The following ABHD2 variants were observed in gnomAD, a reference collection of about 807,000 sequenced individuals.
ABHD2 encodes the protein abhydrolase domain containing 2, acylglycerol lipase, also known as monoacylglycerol lipase ABHD2.
In ABHD2, 20 loss-of-function variants were observed where a neutral mutation model predicts 48.1. The observed-to-expected ratio is 0.42, with a 90% CI of 0.29 to 0.60. ABHD2 has a LOEUF of 0.60. ABHD2 is among the 20% of genes least tolerant of loss of function. The pLI is 0.24. For synonymous variants in ABHD2, 209 were observed against 214.2 expected (o/e 0.98, Z 0.21); for missense variants, 405 against 550.9 (o/e 0.74, Z 2.65).
intron 1 of ABHD2, among the ~76,000 whole-genome samples, chr15:89,109,020 C>G (rs942794551): frequency 6.6e-6 from 1 of 152,204 alleles, no homozygotes; most frequent in Non-Finnish European, 1.5e-5. Flanking sequence ...GATTAAGTGC[C>G]TTGATTCAAG....
chr15:89,142,781 C>T (rs927743106), intron 3 of ABHD2, among the ~76,000 whole-genome samples: 2 of 152,104 alleles, frequency 1.3e-5, no homozygotes, highest in African/African-American at 2.4e-5. Flanking sequence ...TTATTGGTCT[C>T]AAGTCTCTTG....
upstream of ABHD2, chr15:89,087,888 G>T (rs1191460176): frequency 6.6e-6 from 1 of 152,112 alleles, no homozygotes; most frequent in Non-Finnish European, 1.5e-5. This position sits in a 1 kb window ranked among gnomAD's most constrained non-coding sequence, Gnocchi z 5.5. Flanking sequence ...CTTCGGGTTC[G>T]GTGACTCACG....
intron 1 of ABHD2, among the ~76,000 whole-genome samples, chr15:89,110,576 G>T (rs2049858619): frequency 2.6e-5 from 4 of 151,982 alleles, no homozygotes; most frequent in African/African-American, 9.7e-5. Context: ...GTTAAAATGA[G>T]AATTTACTTA....
rs751442789 is a variant in ABHD2 at position 89,114,419 on chromosome 15, C to T, written c.-7+595C>T. Among the ~76,000 whole-genome samples the T allele has an allele frequency of 8.5e-5, 13 of 152,188 alleles. No homozygotes were observed. The highest frequency in any genetic ancestry group is 1.8e-4 in the Non-Finnish European group (12 of 68,032). ...GTTTTAGGGGTTTATAGACAGCTTT[C>T]AGGGGATATGACCCCAGGAGTGAGG... On this transcript the variant is annotated intron_variant, in intron 2 of 10. Coordinates refer to ENST00000352732, the MANE Select transcript of ABHD2 (RefSeq NM_152924.5). The surrounding 1 kb of genome is among the most constrained non-coding windows in gnomAD (Gnocchi z 4.2).
chr15:89,060,855 A>G, the ABHD2 span, among the ~76,000 whole-genome samples: 1 of 152,196 alleles, frequency 6.6e-6, no homozygotes, highest in South Asian at 2.1e-4. Context: ...TTTCATTTGA[A>G]ATCAAGACTG....
chr15:89,059,424 T>C, the ABHD2 span, among the ~76,000 whole-genome samples: 1 of 152,150 alleles, frequency 6.6e-6, no homozygotes, highest in African/African-American at 2.4e-5. Flanking sequence ...CCTGTTCCAA[T>C]TTTCTGACCC....
the ABHD2 span, among the ~76,000 whole-genome samples, chr15:89,059,791 T>C: frequency 6.6e-6 from 1 of 152,098 alleles, no homozygotes; most frequent in Non-Finnish European, 1.5e-5. Flanking sequence ...CAATGGGAAA[T>C]GGGAAACTTG....
the ABHD2 span, among the ~76,000 whole-genome samples, chr15:89,072,297 G>A: frequency 2.6e-5 from 4 of 152,042 alleles, no homozygotes; most frequent in South Asian, 4.1e-4. Flanking sequence ...CCAACATGGC[G>A]AAACCCTGTC....
At chr15:89,046,554 G>C in the ABHD2 span, among the ~76,000 whole-genome samples, 1 of 151,760 alleles carries the variant, frequency 6.6e-6, no homozygotes, top group Non-Finnish European at 1.5e-5. Context: ...GTAAGCTATT[G>C]ATTATTGCCA....
chr15:89,162,843 A>G (rs956153466), intron 5 of ABHD2, among the ~76,000 whole-genome samples: 2 of 152,200 alleles, frequency 1.3e-5, no homozygotes, highest in Non-Finnish European at 2.9e-5. Flanking sequence ...ACTCCATGAG[A>G]GCAGGCAGTT....
intron 1 of ABHD2, among the ~76,000 whole-genome samples, chr15:89,105,372 G>T (rs902658765): frequency 6.6e-6 from 1 of 152,210 alleles, no homozygotes; most frequent in Non-Finnish European, 1.5e-5. Context: ...ACGTTTTCCT[G>T]CATTGGGTAA....
chr15:89,106,910 C>G lies in ABHD2; in HGVS notation c.-106-6815C>G, dbSNP rs534869741. 4.7e-4 allele frequency among the ~76,000 whole-genome samples: 72 copies of G among 152,240 alleles called. No individual in the cohort carries two copies. Among genetic ancestry groups the G allele is most frequent in the African/African-American group, 1.7e-3 (69 of 41,540 alleles). ...GTTGTACTTTTATCTAAGCTGCCAC[C>G]AAAGAGGCTGAAAAATCAGAATGAC... On this transcript the variant is annotated intron_variant, in intron 1 of 10. Coordinates refer to ENST00000352732, the MANE Select transcript of ABHD2 (RefSeq NM_152924.5). This position sits in a 1 kb window ranked among gnomAD's most constrained non-coding sequence, Gnocchi z 4.2.
chr15:89,149,106 A>T (rs2050546951), intron 3 of ABHD2, among the ~76,000 whole-genome samples: 1 of 152,148 alleles, frequency 6.6e-6, no homozygotes, highest in Non-Finnish European at 1.5e-5. Flanking sequence ...ACAGTGTTTT[A>T]TCAGTAGGTA....
At position 89,177,453 on chromosome 15, in the gene ABHD2, C is replaced by A. The variant is rs1253508426; in HGVS notation, c.722+1458C>A. 1.3e-5 allele frequency among the ~76,000 whole-genome samples: 2 copies of A among 152,164 alleles called. No homozygotes were observed. The highest frequency in any genetic ancestry group is 1.5e-5 in the Non-Finnish European group (1 of 68,040). ...AGAAAGAAATTCTGTTTCTTGGGCC[C>A]CACCCTTGGAGATTTTGATTCATGA... On this transcript the variant is annotated intron_variant, in intron 6 of 10. Transcript: ENST00000352732. This position sits in a 1 kb window ranked among gnomAD's most constrained non-coding sequence, Gnocchi z 5.6.
chr15:89,183,478 A>G (rs1488169683), intron 6 of ABHD2: 1 of 147,756 alleles, frequency 6.8e-6, no homozygotes, highest in African/African-American at 2.5e-5. Flanking sequence ...TTAAGTTTCA[A>G]TTCCTTAATT....
intron 3 of ABHD2, among the ~76,000 whole-genome samples, chr15:89,138,963 T>G: frequency 6.6e-6 from 1 of 151,968 alleles, no homozygotes; most frequent in Non-Finnish European, 1.5e-5. Flanking sequence ...CTTCTATAAT[T>G]CCAGCACTGT....
chr15:89,183,618 C>T (rs1024383609), intron 6 of ABHD2, among the ~76,000 whole-genome samples: 1 of 151,822 alleles, frequency 6.6e-6, no homozygotes, highest in Non-Finnish European at 1.5e-5. Flanking sequence ...CCTCCCTGAG[C>T]CCTGGGTCCC....
rs1017448948 is a variant in ABHD2, at chr15:89,089,499, A to G, written c.-107+936A>G. 1.1e-4 allele frequency among the ~76,000 whole-genome samples: 17 copies of G among 152,220 alleles called. 1 individual carries two copies. The highest frequency in any genetic ancestry group is 2.1e-4 in the South Asian group (1 of 4,836). On this transcript the variant is annotated intron_variant, in intron 1 of 10. Transcript: ENST00000352732. ...TGAAACTCCTTGTATTTGAACTACC[A>G]TGGACCGCTCTCTTAATCTTCCCAA...
rs898318406 is a variant in ABHD2, at chr15:89,177,162, A to G, written c.722+1167A>G. 4.6e-5 allele frequency among the ~76,000 whole-genome samples: 7 copies of G among 152,076 alleles called. No individual in the cohort carries two copies. The highest frequency in any genetic ancestry group is 1.4e-4 in the African/African-American group (6 of 41,388). On this transcript the variant is annotated intron_variant, in intron 6 of 10. Coordinates refer to ENST00000352732, the MANE Select transcript of ABHD2 (RefSeq NM_152924.5). The surrounding 1 kb of genome is among the most constrained non-coding windows in gnomAD (Gnocchi z 5.6). Reference sequence around the variant, plus strand: ...GTCCCAGGACCAAGGTCTGGGTTCTATTTTTCCGTGCCGGCAATATGGGGA... The same window carrying G: ...GTCCCAGGACCAAGGTCTGGGTTCTGTTTTTCCGTGCCGGCAATATGGGGA...
Sources: gnomAD v4.1 joint callset for allele counts (sites outside exome capture counted in the v4.1 genomes callset) on GRCh38, gnomAD v4.1.1 for gene constraint, Gnocchi (gnomAD v3.1) non-coding constraint, MANE v1.5 for transcripts, NCBI Gene and HGNC (gene_info 2026-07-23, HGNC 2026-07-21) for gene names.